Variants in PUM1 observed in about 807,000 individuals in gnomAD.
The protein encoded by PUM1 is pumilio homolog 1.
Under a neutral mutation model 131.8 loss-of-function variants are expected in PUM1, and 13 were observed. That is an observed-to-expected ratio of 0.10 (90% confidence interval 0.06 to 0.16). PUM1 has a LOEUF of 0.16. Among genes scored for constraint, PUM1 ranks in the 10% least tolerant of loss-of-function variants. PUM1 has a pLI of 1.00. For synonymous variants in PUM1, 509 were observed against 556.5 expected, an observed-to-expected ratio of 0.91 and a Z score of 1.20; for missense variants, 961 against 1,512.4, an observed-to-expected ratio of 0.64 and a Z score of 6.05.
intron 9 of PUM1, among the ~76,000 whole-genome samples, chr1:30,978,361 A>G (rs953896662): frequency 6.6e-6 from 1 of 152,238 alleles, no homozygotes; most frequent in Non-Finnish European, 1.5e-5. Context: ...AATGCCTGAC[A>G]AAAGTTAAGT....
intron 1 of PUM1, among the ~76,000 whole-genome samples, chr1:31,060,323 T>C (rs932736487): frequency 3.3e-5 from 5 of 151,238 alleles, no homozygotes; most frequent in Non-Finnish European, 5.9e-5. Context: ...TAGCCAGGTA[T>C]GGTGCTGGGC....
chr1:31,054,637 C>G (rs1184933215), intron 2 of PUM1, among the ~76,000 whole-genome samples: 1 of 151,186 alleles, frequency 6.6e-6, no homozygotes, highest in Non-Finnish European at 1.5e-5. Context: ...AGATAATTTT[C>G]CATCCACATT....
chr1:31,030,304 C>T (rs7528781), intron 2 of PUM1, among the ~76,000 whole-genome samples: 118,278 of 152,086 alleles, frequency 0.78, 46,868 homozygotes, highest in African/African-American at 0.92. Flanking sequence ...CTCAAACTCC[C>T]TCCTCTGATC....
intron 5 of PUM1, among the ~76,000 whole-genome samples, chr1:30,997,711 G>C (rs1557577388): frequency 6.6e-6 from 1 of 151,924 alleles, no homozygotes; most frequent in South Asian, 2.1e-4. Flanking sequence ...TGTGGTGGTG[G>C]TGGTGTTTTT....
At chr1:31,062,748 T>G (rs951230774) in intron 1 of PUM1, among the ~76,000 whole-genome samples, 3 of 152,122 alleles carry the variant, frequency 2.0e-5, no homozygotes, top group African/African-American at 7.2e-5. Flanking sequence ...TTATCTCTTC[T>G]CCCAACCCCC....
Position 30,933,122 on chromosome 1 carries a change from T to G in PUM1, c.*89A>C, listed in dbSNP as rs1354003180. On this transcript the variant is annotated 3_prime_UTR_variant, in exon 22 of 22. Transcript: ENST00000426105. The stretch of plus-strand genomic sequence containing the variant: ...GAGCAACCACTTGCCCGTCTCAGAC[T>G]CTACACTAGAACATTTCTGGTTGCT... 2 of 1,478,900 alleles carry G rather than the reference T, an allele frequency of 1.4e-6. No individual in the cohort carries two copies. Among genetic ancestry groups the G allele is most frequent in the Non-Finnish European group, 1.8e-6 (2 of 1,101,062 alleles). The allele number at this position is 1,478,900 out of a possible 1,614,324, so 91.6% of individuals were successfully genotyped here. A position where few individuals can be genotyped will look rare whatever the true frequency, so the allele number is the denominator to read the frequency against.
Position 30,933,034 on chromosome 1 carries a change from A to T in PUM1, c.*177T>A. 4 of 710,762 alleles carry T rather than the reference A, an allele frequency of 5.6e-6. No homozygotes were observed. Among genetic ancestry groups the T allele is most frequent in the Non-Finnish European group, 6.6e-6 (3 of 452,352 alleles). 44.0% of individuals were successfully genotyped at this position (710,762 alleles called of 1,614,324 possible). On this transcript the variant is annotated 3_prime_UTR_variant, in exon 22 of 22. Coordinates refer to ENST00000426105, the MANE Select transcript of PUM1 (RefSeq NM_001020658.2). ...AGTACATGTTATGTGTAATAAAATT[A>T]AATTTACAAAGGCTTTTCCACTCGT...
At chr1:30,942,191 T>TTTTATATATATATATATATATA (rs1425100677) in intron 18 of PUM1, 68 bp from the exon 19 acceptor site, 2 of 143,394 alleles carry the variant, frequency 1.4e-5, no homozygotes, top group African/African-American at 1.2e-4. Context: ...TCAGTATTGT[T>TTTTATATATATATATATATATA]TATATATATA....
chr1:30,940,462 C>T (rs1211801106), intron 20 of PUM1, among the ~76,000 whole-genome samples: 1 of 152,192 alleles, frequency 6.6e-6, no homozygotes, highest in Non-Finnish European at 1.5e-5. Flanking sequence ...GGCGACAGAG[C>T]GTGACCCTGT....
chr1:31,013,934 C>A (rs1334490379), intron 3 of PUM1, among the ~76,000 whole-genome samples: 1 of 152,166 alleles, frequency 6.6e-6, no homozygotes, highest in Non-Finnish European at 1.5e-5. Flanking sequence ...TAAAACATAT[C>A]TTTAAGAAAA....
chr1:31,005,712 G>T, intron 5 of PUM1, 141 bp downstream of exon 5: 2 of 777,182 alleles, frequency 2.6e-6, no homozygotes, highest in Non-Finnish European at 3.9e-6. Flanking sequence ...TACAACAAAC[G>T]TTGTTTGAAA....
intron 2 of PUM1, among the ~76,000 whole-genome samples, chr1:31,053,876 C>CT (rs1202026608): frequency 2.6e-5 from 4 of 151,986 alleles, no homozygotes; most frequent in Non-Finnish European, 4.4e-5. Flanking sequence ...AGGTGGATCA[C>CT]CTGAGGTTAG....
chr1:30,977,278 T>C (rs2124463132), intron 9 of PUM1, among the ~76,000 whole-genome samples: 1 of 152,368 alleles, frequency 6.6e-6, no homozygotes, highest in South Asian at 2.1e-4. Context: ...GTCATGTTAC[T>C]ACTCAAAAAG....
intron 17 of PUM1, among the ~76,000 whole-genome samples, 190 bp from the exon 18 acceptor site, chr1:30,945,673 T>C (rs1426184703): frequency 6.6e-6 from 1 of 151,992 alleles, no homozygotes; most frequent in Non-Finnish European, 1.5e-5. Flanking sequence ...ATTAGCCAAT[T>C]TACAGTAAAA....
chr1:31,033,665 C>G (rs1179809963), intron 2 of PUM1, among the ~76,000 whole-genome samples: 1 of 151,684 alleles, frequency 6.6e-6, no homozygotes, highest in African/African-American at 2.4e-5. Context: ...CACGCCCAGC[C>G]CATTTTATTT....
At chr1:31,032,975 G>A (rs1299308694) in intron 2 of PUM1, among the ~76,000 whole-genome samples, 4 of 151,828 alleles carry the variant, frequency 2.6e-5, no homozygotes, top group Admixed American at 6.6e-5. Context: ...GCGTGATGGC[G>A]CATGCCTGTA....
At chr1:31,024,502 A>G (rs1643152884) in intron 3 of PUM1, among the ~76,000 whole-genome samples, 1 of 152,210 alleles carries the variant, frequency 6.6e-6, no homozygotes, top group Non-Finnish European at 1.5e-5. Flanking sequence ...TGTTATAATC[A>G]AGGGTATGTT....
chr1:31,062,185 T>C (rs565161176), intron 1 of PUM1, among the ~76,000 whole-genome samples: 32 of 152,324 alleles, frequency 2.1e-4, no homozygotes, highest in East Asian at 1.2e-3. Flanking sequence ...CTCAACAATA[T>C]GTCTCATTTG....
chr1:30,981,380 G>A lies in PUM1; in HGVS notation c.1184C>T (p.Ala395Val). 6.2e-7 allele frequency: 1 copy of A among 1,603,936 alleles called. No individual in the cohort carries two copies. Among genetic ancestry groups the A allele is most frequent in the Non-Finnish European group, 8.5e-7 (1 of 1,174,226 alleles). Residue 395 changes from alanine (A) to valine (V), a missense_variant, in exon 8 of 22, where the codon GCT becomes GTT. This residue lies in a region of PUM1 where 654 missense variants were observed against 923.9 expected (regional missense o/e 0.71). Transcript: ENST00000426105. The part of the protein sequence containing the change: ...QQLFQRPNAL[A>V]VQQLTAAQQQ... ...CTGAGCAGCTGTCAACTGCTGGACAGCAAGCGCATTAGGTCTTTGGAACAG... is the reference window on the plus strand; with the variant it reads ...CTGAGCAGCTGTCAACTGCTGGACAACAAGCGCATTAGGTCTTTGGAACAG...
Sources: allele counts gnomAD v4.1 joint callset (sites outside exome capture counted in the v4.1 genomes callset), GRCh38; gene constraint gnomAD v4.1.1; regional missense constraint gnomAD v4.1.1; transcripts MANE v1.5; gene names NCBI Gene and HGNC (gene_info 2026-07-23, HGNC 2026-07-21).